The following HDAC9 variants were observed in gnomAD, a reference collection of about 807,000 sequenced individuals.
The protein encoded by HDAC9 is MEF-2 interacting transcription repressor (MITR) protein.
Under a neutral mutation model 139.4 loss-of-function variants are expected in HDAC9, and 41 were observed. The observed-to-expected ratio is 0.29, with a 90% CI of 0.23 to 0.38. HDAC9 has a LOEUF of 0.38. Among genes scored for constraint, HDAC9 ranks in the 10% least tolerant of loss-of-function variants. HDAC9 has a pLI of 1.00. For synonymous variants in HDAC9, 517 were observed against 476.2 expected (o/e 1.09, Z -1.12); for missense variants, 1,147 against 1,297.0 (o/e 0.88, Z 1.78).
chr7:18,340,313 C>T (rs968586578), intron 1 of HDAC9, among the ~76,000 whole-genome samples: 2 of 151,516 alleles, frequency 1.3e-5, no homozygotes, highest in Non-Finnish European at 1.5e-5. Flanking sequence ...TTAATCCAAT[C>T]TGGTAATCTC....
chr7:18,492,888 G>A (rs567583998), upstream of HDAC9, among the ~76,000 whole-genome samples: 9 of 151,866 alleles, frequency 5.9e-5, no homozygotes, highest in African/African-American at 2.2e-4. Flanking sequence ...AACAAGTGGG[G>A]TTTTTTGTAA....
chr7:18,759,652 C>T (rs1047892181), intron 14 of HDAC9, among the ~76,000 whole-genome samples: 1 of 152,186 alleles, frequency 6.6e-6, no homozygotes, highest in Non-Finnish European at 1.5e-5. Flanking sequence ...GAAGCCATCT[C>T]CTCCACTTTT....
At chr7:18,418,722 C>T (rs1051907598) in intron 1 of HDAC9, among the ~76,000 whole-genome samples, 6 of 151,736 alleles carry the variant, frequency 4.0e-5, no homozygotes, top group Middle Eastern at 3.2e-3. Flanking sequence ...GCTGATGAAT[C>T]GTAAGAATTT....
chr7:18,981,940 G>T (rs1784978843), intron 25 of HDAC9, among the ~76,000 whole-genome samples: 1 of 151,650 alleles, frequency 6.6e-6, no homozygotes, highest in East Asian at 1.9e-4. Flanking sequence ...ATAGGGTCCT[G>T]CAAAATGAAA....
intron 1 of HDAC9, among the ~76,000 whole-genome samples, chr7:18,485,912 T>G (rs928139798): frequency 2.0e-5 from 3 of 152,124 alleles, no homozygotes; most frequent in Non-Finnish European, 2.9e-5. Context: ...AATGTTATTG[T>G]CTTAGTCTGT....
rs191995939 is a variant in HDAC9, at chr7:18,366,285, C to T, written c.-42+75770C>T. Among the ~76,000 whole-genome samples the T allele has an allele frequency of 3.4e-4, 52 of 152,182 alleles. No homozygotes were observed. In the East Asian group the frequency reaches 7.3e-3, roughly 22 times the overall value. On this transcript the variant is annotated intron_variant, in intron 1 of 3. Coordinates refer to the HDAC9 transcript ENST00000413509. ...ACTCATGGAAGTGGAGGTTCTGTCA[C>T]AAACAGGGTCAGTTATTACTTGGCA...
In HDAC9 at chr7:18,997,873, A is replaced by T. The variant is rs1786554286; in HGVS notation, c.*1811A>T. On this transcript the variant is annotated 3_prime_UTR_variant, in exon 26 of 26. Coordinates refer to ENST00000686413, the MANE Select transcript of HDAC9 (RefSeq NM_178425.4). ...TCAATACTTGGTTTAACTTCTTAGA[A>T]ATTTGAGACACCCTTTGAAATAGGA... is the stretch of plus-strand genomic sequence containing the variant. 1 of 152,296 alleles carries T rather than the reference A, an allele frequency of 6.6e-6. No homozygotes were observed. The highest frequency in any genetic ancestry group is 2.1e-4 in the South Asian group (1 of 4,822). The allele number at this position is 152,296 out of a possible 1,614,324, so 9.4% of individuals were successfully genotyped here. A position where few individuals can be genotyped will look rare whatever the true frequency, so the allele number is the denominator to read the frequency against.
At chr7:18,224,205 T>C (rs959410808) in intron 2 of HDAC9, among the ~76,000 whole-genome samples, 1 of 152,182 alleles carries the variant, frequency 6.6e-6, no homozygotes, top group Non-Finnish European at 1.5e-5. Context: ...AGTGTCCATT[T>C]TTATGAATAT....
intron 2 of HDAC9, among the ~76,000 whole-genome samples, chr7:18,563,940 A>G (rs1226040061): frequency 6.6e-6 from 1 of 151,666 alleles, no homozygotes; most frequent in Non-Finnish European, 1.5e-5. Flanking sequence ...GGTTCAAGCA[A>G]TTCTCCTGCC....
At chr7:18,232,243 C>T (rs922725495) in intron 2 of HDAC9, among the ~76,000 whole-genome samples, 2 of 152,074 alleles carry the variant, frequency 1.3e-5, no homozygotes, top group East Asian at 1.9e-4. Flanking sequence ...CTGTGTGCCA[C>T]GTTTGTTCCT....
At chr7:18,545,624 A>C (rs1308834210) in intron 2 of HDAC9, among the ~76,000 whole-genome samples, 1 of 152,316 alleles carries the variant, frequency 6.6e-6, no homozygotes, top group East Asian at 1.9e-4. Context: ...ATTGTGTATT[A>C]GTACTTTATA....
intron 2 of HDAC9, among the ~76,000 whole-genome samples, chr7:18,503,709 A>G (rs1479086222): frequency 6.6e-6 from 1 of 152,158 alleles, no homozygotes; most frequent in Non-Finnish European, 1.5e-5. Context: ...AACTTTTTGC[A>G]TGCTGATAAG....
intron 25 of HDAC9, among the ~76,000 whole-genome samples, chr7:18,985,050 A>AT (rs915156506): frequency 1.3e-5 from 2 of 151,292 alleles, no homozygotes; most frequent in East Asian, 1.9e-4. Flanking sequence ...CTGGATCTTT[A>AT]TTTTTTTTTA....
chr7:18,757,964 T>A (rs1789029968), intron 14 of HDAC9, among the ~76,000 whole-genome samples: 1 of 152,190 alleles, frequency 6.6e-6, no homozygotes, highest in Admixed American at 6.5e-5. Context: ...TGTTTAGGGT[T>A]CTGAACTAAA....
At chr7:18,595,540 C>G (rs1435889894) in intron 6 of HDAC9, among the ~76,000 whole-genome samples, 1 of 151,988 alleles carries the variant, frequency 6.6e-6, no homozygotes, top group African/African-American at 2.4e-5. Flanking sequence ...TGAGATTATG[C>G]AGATACTACC....
chr7:18,804,163 G>C (rs1173850337), intron 17 of HDAC9, among the ~76,000 whole-genome samples: 1 of 152,188 alleles, frequency 6.6e-6, no homozygotes, highest in Non-Finnish European at 1.5e-5. Context: ...GGAGAGATTT[G>C]TGCTGAGTGA....
chr7:18,367,744 T>C (rs1190075510), intron 1 of HDAC9, among the ~76,000 whole-genome samples: 1 of 152,104 alleles, frequency 6.6e-6, no homozygotes, highest in African/African-American at 2.4e-5. Context: ...TTCAACTGTG[T>C]AAGATAATTC....
intron 1 of HDAC9, among the ~76,000 whole-genome samples, chr7:18,341,580 T>G (rs1782015262): frequency 6.6e-6 from 1 of 151,740 alleles, no homozygotes; most frequent in African/African-American, 2.4e-5. Flanking sequence ...TCTCTAGAAC[T>G]TCTATTTTGT....
chr7:18,845,726 C>A (rs552350813), intron 21 of HDAC9, among the ~76,000 whole-genome samples: 1 of 152,120 alleles, frequency 6.6e-6, no homozygotes, highest in East Asian at 1.9e-4. Flanking sequence ...TGTAATACTT[C>A]ACAAAGAGCA....
Sources: gnomAD v4.1 joint callset for allele counts (sites outside exome capture counted in the v4.1 genomes callset) on GRCh38, gnomAD v4.1.1 for gene constraint, MANE v1.5 for transcripts, NCBI Gene and HGNC (gene_info 2026-07-23, HGNC 2026-07-21) for gene names.